PLCL1: variants seen among roughly 807,000 people sequenced by gnomAD.
The protein encoded by PLCL1 is inactive phospholipase C-like protein 1.
PLCL1 carries 41 observed loss-of-function variants against 84.4 expected under a neutral mutation model. The observed-to-expected ratio is 0.49, with a 90% CI of 0.38 to 0.63. The LOEUF is 0.63. Among genes scored for constraint, PLCL1 ranks in the 30% least tolerant of loss-of-function variants. The probability of loss-of-function intolerance (pLI) is 0.00; values close to 1 mark genes in which losing one functional copy is unlikely to be tolerated. For missense variants in PLCL1, 1,206 were observed against 1,367.8 expected (o/e 0.88, Z 1.87); for synonymous variants, 490 against 488.3 (o/e 1.00, Z -0.05).
chr2:198,069,307 A>G (rs1041726771), intron 1 of PLCL1, among the ~76,000 whole-genome samples: 6 of 151,978 alleles, frequency 3.9e-5, no homozygotes, highest in African/African-American at 1.2e-4. Flanking sequence ...CTTGGACAAC[A>G]TGGCAAGAAC....
intron 1 of PLCL1, among the ~76,000 whole-genome samples, chr2:197,989,459 G>A (rs924777958): frequency 2.6e-5 from 4 of 152,150 alleles, no homozygotes; most frequent in Non-Finnish European, 5.9e-5. Flanking sequence ...AATACCAGAG[G>A]AATGGTAGAA....
chr2:198,020,462 G>C (rs1417905686), intron 1 of PLCL1, among the ~76,000 whole-genome samples: 1 of 151,582 alleles, frequency 6.6e-6, no homozygotes, highest in Non-Finnish European at 1.5e-5. Context: ...AAAGACTCAA[G>C]ACCTATTGGT....
At chr2:198,023,012 C>T (rs1376011183) in intron 1 of PLCL1, among the ~76,000 whole-genome samples, 1 of 152,162 alleles carries the variant, frequency 6.6e-6, no homozygotes, top group Non-Finnish European at 1.5e-5. Flanking sequence ...TGCAAGGCTA[C>T]AGTAATCAAA....
chr2:198,132,667 T>C (rs1694147336), intron 5 of PLCL1, among the ~76,000 whole-genome samples: 1 of 152,162 alleles, frequency 6.6e-6, no homozygotes, highest in African/African-American at 2.4e-5. Flanking sequence ...TGGTGAATTT[T>C]TTCCAGGCAT....
chr2:197,907,996 A>G (rs1688416210), intron 1 of PLCL1, among the ~76,000 whole-genome samples: 1 of 152,146 alleles, frequency 6.6e-6, no homozygotes, highest in South Asian at 2.1e-4. Context: ...TTAACCTATC[A>G]TCTGACGTGA....
At chr2:197,838,012 T>G (rs1477637194) in intron 1 of PLCL1, among the ~76,000 whole-genome samples, 5 of 152,180 alleles carry the variant, frequency 3.3e-5, no homozygotes, top group Non-Finnish European at 7.3e-5. Flanking sequence ...GTTTAATAAT[T>G]TTTACATTCT....
At chr2:198,023,512 C>T (rs112001680) in intron 1 of PLCL1, among the ~76,000 whole-genome samples, 30,889 of 152,032 alleles carry the variant, frequency 0.2, 3,237 homozygotes, top group East Asian at 0.26. Context: ...TGTCAAAGGG[C>T]TAATATCCGG....
chr2:197,992,242 A>G (rs1004026416), intron 1 of PLCL1, among the ~76,000 whole-genome samples: 2 of 151,980 alleles, frequency 1.3e-5, no homozygotes, highest in Non-Finnish European at 2.9e-5. Flanking sequence ...ATATATTACA[A>G]ATTCATCATT....
At chr2:198,080,284 T>G (rs1692679154) in intron 1 of PLCL1, among the ~76,000 whole-genome samples, 1 of 152,220 alleles carries the variant, frequency 6.6e-6, no homozygotes, top group Non-Finnish European at 1.5e-5. Context: ...TAAGAGAGAA[T>G]TGACTCTCAT....
chr2:197,983,745 A>G (rs1690165889), intron 1 of PLCL1, among the ~76,000 whole-genome samples: 1 of 152,196 alleles, frequency 6.6e-6, no homozygotes, highest in African/African-American at 2.4e-5. Context: ...ATTGTTTTCT[A>G]AAGATGGAAC....
At chr2:198,011,785 T>C (rs1690873969) in intron 1 of PLCL1, among the ~76,000 whole-genome samples, 1 of 152,152 alleles carries the variant, frequency 6.6e-6, no homozygotes. Context: ...TTAGGTGCTG[T>C]AATGTTAAGT....
chr2:198,126,495 C>G (rs893937656), intron 5 of PLCL1, among the ~76,000 whole-genome samples: 3 of 152,036 alleles, frequency 2.0e-5, no homozygotes, highest in Non-Finnish European at 4.4e-5. Context: ...GGGGACCACC[C>G]AGGGGCTGTG....
intron 1 of PLCL1, among the ~76,000 whole-genome samples, chr2:198,031,407 G>A (rs953443096): frequency 6.6e-5 from 10 of 151,760 alleles, no homozygotes; most frequent in African/African-American, 2.4e-4. Context: ...TCTAACTTTT[G>A]TGGTTACATA....
intron 1 of PLCL1, among the ~76,000 whole-genome samples, chr2:198,039,059 A>G (rs1691604633): frequency 6.6e-6 from 1 of 152,138 alleles, no homozygotes; most frequent in Non-Finnish European, 1.5e-5. Flanking sequence ...CTGCTTAAAA[A>G]CAAACCCTGT....
At chr2:198,141,544 A>G (rs6752980) in intron 5 of PLCL1, among the ~76,000 whole-genome samples, 9,260 of 152,036 alleles carry the variant, frequency 0.061, 791 homozygotes, top group African/African-American at 0.19. Context: ...TAATTTCTCA[A>G]ATGAAGGACA....
intron 1 of PLCL1, among the ~76,000 whole-genome samples, chr2:197,923,278 G>C (rs375274057): frequency 0.14 from 20,812 of 144,318 alleles, 700 homozygotes; most frequent in East Asian, 0.23. Context: ...CCTCCCTCCC[G>C]GACGGGGTGG....
At chr2:198,063,331 A>G (rs1029249350) in intron 1 of PLCL1, among the ~76,000 whole-genome samples, 1 of 152,120 alleles carries the variant, frequency 6.6e-6, no homozygotes, top group Non-Finnish European at 1.5e-5. Flanking sequence ...GGAGGCTGAT[A>G]AGTAGGTTCA....
chr2:197,971,357 C>G (rs1689859915), intron 1 of PLCL1, among the ~76,000 whole-genome samples: 1 of 152,146 alleles, frequency 6.6e-6, no homozygotes, highest in African/African-American at 2.4e-5. Context: ...TAAAAAGAGT[C>G]ACTGAAAGGA....
intron 1 of PLCL1, among the ~76,000 whole-genome samples, chr2:197,930,553 G>A (rs760717337): frequency 6.6e-5 from 10 of 152,012 alleles, no homozygotes; most frequent in South Asian, 2.1e-4. Context: ...AAGAGGCCTC[G>A]TTTTCCTACT....
Sources: gnomAD v4.1 joint callset for allele counts (sites outside exome capture counted in the v4.1 genomes callset) on GRCh38, gnomAD v4.1.1 for gene constraint, MANE v1.5 for transcripts, NCBI Gene and HGNC (gene_info 2026-07-23, HGNC 2026-07-21) for gene names.